The following LRP1B variants were observed in gnomAD, a reference collection of about 807,000 sequenced individuals.
LRP1B encodes the protein low-density lipoprotein receptor-related protein 1B.
In LRP1B, 217 loss-of-function variants were observed where a neutral mutation model predicts 556.6. The observed-to-expected ratio is 0.39, with a 90% CI of 0.35 to 0.44. The LOEUF (loss-of-function observed/expected upper bound fraction) is 0.44. Ranked by LOEUF, LRP1B falls within the 20% of genes least tolerant of loss-of-function variation. The pLI is 1.00. For synonymous variants in LRP1B, 2,047 were observed against 1,865.8 expected, an observed-to-expected ratio of 1.10 and a Z score of -2.50; for missense variants, 5,053 against 5,620.8, an observed-to-expected ratio of 0.90 and a Z score of 3.23.
chr2:141,221,697 T>C (rs1287802123), intron 6 of LRP1B, among the ~76,000 whole-genome samples: 1 of 152,126 alleles, frequency 6.6e-6, no homozygotes, highest in Non-Finnish European at 1.5e-5. Flanking sequence ...CCTCAACTAA[T>C]ACAAAATAAC....
chr2:141,886,841 G>A (rs1699129800), intron 1 of LRP1B, among the ~76,000 whole-genome samples: 1 of 151,966 alleles, frequency 6.6e-6, no homozygotes, highest in Non-Finnish European at 1.5e-5. Context: ...GCTAATATTG[G>A]TAGATAATCT....
chr2:140,324,044 G>A lies in LRP1B; in HGVS notation c.12363C>T (p.Ile4121=), dbSNP rs146863547. 4.6e-4 allele frequency: 733 copies of A among 1,607,166 alleles called. 3 individuals are homozygous for A. The African/African-American group carries it at 8.8e-3, about 19-fold the overall frequency. ...CATATATATAATCTTCAAAGATATC[G>A]ATCCTATGTGGATGTAATAAACCTG... is the stretch of plus-strand genomic sequence containing the variant. ...SKQGLLHPHR[I]DIFEDYIYGA... is the part of the protein sequence containing the mutation. The change falls in exon 81 of 91, where the codon ATC becomes ATT. Residue 4121 remains isoleucine, a synonymous_variant. Coordinates refer to ENST00000389484, the MANE Select transcript of LRP1B (RefSeq NM_018557.3).
chr2:140,615,115 T>C (rs951366616), intron 41 of LRP1B, among the ~76,000 whole-genome samples: 1 of 152,138 alleles, frequency 6.6e-6, no homozygotes, highest in Admixed American at 6.6e-5. Flanking sequence ...CAAATGCTCC[T>C]AGAGATAACA....
At chr2:140,723,785 C>T (rs75174179) in intron 35 of LRP1B, among the ~76,000 whole-genome samples, 3,849 of 152,144 alleles carry the variant, frequency 0.025, 207 homozygotes, top group East Asian at 0.22. Context: ...GAATAACTGT[C>T]GGATAGCAAA....
chr2:140,270,084 T>C (rs1371761873), intron 86 of LRP1B, among the ~76,000 whole-genome samples, 158 bp downstream of exon 86: 1 of 151,900 alleles, frequency 6.6e-6, no homozygotes, highest in African/African-American at 2.4e-5. Flanking sequence ...TGAAAGGAGA[T>C]TCTGCAGCAC....
intron 2 of LRP1B, among the ~76,000 whole-genome samples, chr2:141,670,585 T>A (rs1485177301): frequency 1.3e-5 from 2 of 152,198 alleles, no homozygotes; most frequent in African/African-American, 4.8e-5. Flanking sequence ...ATATCTAGTC[T>A]AACAATGTGA....
At chr2:141,493,117 TAG>T (rs1683393816) in intron 2 of LRP1B, among the ~76,000 whole-genome samples, 1 of 152,134 alleles carries the variant, frequency 6.6e-6, no homozygotes, top group South Asian at 2.1e-4. Flanking sequence ...ATTGCTATTA[TAG>T]AGAGGAGGAA....
chr2:142,104,590 T>A (rs186895521), intron 1 of LRP1B, among the ~76,000 whole-genome samples: 7 of 152,224 alleles, frequency 4.6e-5, no homozygotes, highest in African/African-American at 1.7e-4. Context: ...ATCATAAAGG[T>A]ATTTTTTTGA....
At chr2:141,880,232 T>C (rs938893878) in intron 1 of LRP1B, among the ~76,000 whole-genome samples, 1 of 151,958 alleles carries the variant, frequency 6.6e-6, no homozygotes. Context: ...GGAACTTGTC[T>C]GTCTTAGTCA....
intron 25 of LRP1B, among the ~76,000 whole-genome samples, chr2:140,871,803 A>G (rs1314751656): frequency 6.6e-6 from 1 of 151,976 alleles, no homozygotes; most frequent in Non-Finnish European, 1.5e-5. Flanking sequence ...TTTTTCCACC[A>G]TGACAGCCTG....
At chr2:141,165,268 C>T (rs1680203155) in intron 7 of LRP1B, among the ~76,000 whole-genome samples, 1 of 151,918 alleles carries the variant, frequency 6.6e-6, no homozygotes, top group African/African-American at 2.4e-5. Context: ...GAACTGAAAG[C>T]CAAATTTTTT....
At chr2:141,588,477 A>G (rs569941710) in intron 2 of LRP1B, among the ~76,000 whole-genome samples, 118 of 152,312 alleles carry the variant, frequency 7.7e-4, no homozygotes, top group Non-Finnish European at 1.4e-3. Context: ...TATGAAACTC[A>G]ATCAAACTAA....
At chr2:140,386,200 T>C (rs1683754037) in intron 66 of LRP1B, among the ~76,000 whole-genome samples, 191 bp from the exon 67 acceptor site, 1 of 152,184 alleles carries the variant, frequency 6.6e-6, no homozygotes, top group Admixed American at 6.5e-5. Flanking sequence ...ATGTTGTTAC[T>C]GTTCATGCTT....
At chr2:140,965,305 A>T (rs66534412) in intron 18 of LRP1B, among the ~76,000 whole-genome samples, 32,646 of 151,910 alleles carry the variant, frequency 0.21, 3,616 homozygotes, top group Middle Eastern at 0.28. Flanking sequence ...AACTATGCAC[A>T]GATCTACAGA....
intron 35 of LRP1B, among the ~76,000 whole-genome samples, chr2:140,732,492 A>G (rs545895060): frequency 2.5e-4 from 38 of 152,250 alleles, no homozygotes; most frequent in African/African-American, 8.9e-4. Flanking sequence ...TTGAAGGAAA[A>G]AAAGTATTCA....
At chr2:140,680,261 T>C (rs76090500) in intron 41 of LRP1B, among the ~76,000 whole-genome samples, 6,240 of 152,178 alleles carry the variant, frequency 0.041, 178 homozygotes, top group Non-Finnish European at 0.063. Flanking sequence ...CACGTAGGCA[T>C]GGAGCTTTAA....
At position 141,707,573 on chromosome 2, in the gene LRP1B, G is replaced by A. The variant is rs757372478; in HGVS notation, c.205+102706C>T. Among the ~76,000 whole-genome samples the A allele has an allele frequency of 7.2e-5, 11 of 152,110 alleles. 1 individual carries two copies. Among genetic ancestry groups the A allele is most frequent in the African/African-American group, 1.2e-4 (5 of 41,412 alleles). ...ACTCCTGCAATTACTGCACACACAG[G>A]GCTGTGAAATGCTAGTTGTGTCTGC... is the stretch of plus-strand genomic sequence containing the variant. On this transcript the variant is annotated intron_variant, in intron 2 of 90. Coordinates refer to ENST00000389484, the MANE Select transcript of LRP1B (RefSeq NM_018557.3).
At position 141,266,280 on chromosome 2, in the gene LRP1B, C is replaced by T. The variant is rs150239497; in HGVS notation, c.344-11639G>A. Among the ~76,000 whole-genome samples the T allele has an allele frequency of 1.6e-3, 241 of 147,046 alleles. 1 individual carries two copies. The highest frequency in any genetic ancestry group is 5.6e-3 in the African/African-American group (220 of 39,538). On this transcript the variant is annotated intron_variant, in intron 3 of 90. Coordinates refer to ENST00000389484, the MANE Select transcript of LRP1B (RefSeq NM_018557.3). Reference sequence around the variant, plus strand: ...CAGAGCTTGCAGTGAGCAGAGATTGCGCCACTGTACTCCAGCCTGAGTGAT... The same window carrying T: ...CAGAGCTTGCAGTGAGCAGAGATTGTGCCACTGTACTCCAGCCTGAGTGAT...
chr2:140,800,453 T>G, intron 32 of LRP1B, among the ~76,000 whole-genome samples: 1 of 152,160 alleles, frequency 6.6e-6, no homozygotes, highest in East Asian at 1.9e-4. Flanking sequence ...AGCAGTTAAT[T>G]TAGGCTAGCT....
Sources: gnomAD v4.1 joint callset for allele counts (sites outside exome capture counted in the v4.1 genomes callset) on GRCh38, gnomAD v4.1.1 for gene constraint, MANE v1.5 for transcripts, NCBI Gene and HGNC (gene_info 2026-07-23, HGNC 2026-07-21) for gene names.